RBL1: variants seen among roughly 807,000 people sequenced by gnomAD.
The protein encoded by RBL1 is RB transcriptional corepressor like 1, also known as retinoblastoma-like protein 1.
In RBL1, 82 loss-of-function variants were observed where a neutral mutation model predicts 123.0. The observed-to-expected ratio is 0.67, with a 90% CI of 0.56 to 0.80. RBL1 has a LOEUF of 0.80. Among genes scored for constraint, RBL1 ranks in the 30% least tolerant of loss-of-function variants. The pLI, the probability that RBL1 is intolerant of heterozygous loss-of-function variation, is 0.00. For missense variants in RBL1, 1,171 were observed against 1,299.6 expected, an observed-to-expected ratio of 0.90 and a Z score of 1.52; for synonymous variants, 405 against 441.3, an observed-to-expected ratio of 0.92 and a Z score of 1.03.
chr20:37,076,790 GCTGGAGTTTATTCCATTGTATA>G (rs936810067), intron 2 of RBL1, among the ~76,000 whole-genome samples: 7 of 152,078 alleles, frequency 4.6e-5, no homozygotes, highest in Non-Finnish European at 1.5e-5. Context: ...CACTTTAACA[GCTGGAGTTTATTCCATTGTATA>G]CCATTCCTTT....
chr20:37,020,384 C>T (rs1355183834), intron 18 of RBL1, among the ~76,000 whole-genome samples: 3 of 152,096 alleles, frequency 2.0e-5, no homozygotes, highest in Non-Finnish European at 2.9e-5. Flanking sequence ...ACACCGCACC[C>T]AGCCATTATA....
At chr20:37,026,193 C>T (rs774164053) in intron 16 of RBL1, among the ~76,000 whole-genome samples, 8 of 151,912 alleles carry the variant, frequency 5.3e-5, no homozygotes, top group Non-Finnish European at 8.8e-5. Flanking sequence ...TCACTATGCC[C>T]GAGGTCAGAA....
chr20:36,999,023 T>C (rs919723494), intron 21 of RBL1, 94 bp from the exon 22 acceptor site: 4 of 1,184,170 alleles, frequency 3.4e-6, no homozygotes, highest in African/African-American at 3.1e-5. Context: ...TGCTCTATCC[T>C]CTATCCAAAT....
intron 3 of RBL1, 105 bp from the exon 4 acceptor site, chr20:37,067,402 T>C: frequency 1.1e-6 from 1 of 887,816 alleles, no homozygotes; most frequent in East Asian, 2.7e-5. Context: ...CACATGAAAT[T>C]CCATTCATGA....
Position 37,055,714 on chromosome 20 carries a change from A to T in RBL1, c.1364-58T>A, listed in dbSNP as rs535040929. 3.4e-6 allele frequency: 5 copies of T among 1,476,922 alleles called. No individual in the cohort carries two copies. In the East Asian group the frequency reaches 1.1e-4, roughly 34 times the overall value. The allele number at this position is 1,476,922 out of a possible 1,614,324, so 91.5% of individuals were successfully genotyped here. Reference sequence around the variant, plus strand: ...ATGAATTTTAGTTGTTAAGGACTGAAAAGCAAAAATTATATATAAACTTAA... The same window carrying T: ...ATGAATTTTAGTTGTTAAGGACTGATAAGCAAAAATTATATATAAACTTAA... On this transcript the variant is annotated intron_variant, in intron 10 of 21. Coordinates refer to ENST00000373664, the MANE Select transcript of RBL1 (RefSeq NM_002895.5).
intron 19 of RBL1, among the ~76,000 whole-genome samples, chr20:37,016,970 A>AAGGAG (rs930072178): frequency 9.3e-5 from 14 of 150,940 alleles, no homozygotes; most frequent in Non-Finnish European, 1.5e-4. Flanking sequence ...GAAGAGAGGA[A>AAGGAG]AGGAGAGGAG....
intron 13 of RBL1, among the ~76,000 whole-genome samples, chr20:37,043,827 G>A (rs1600519359): frequency 6.6e-6 from 1 of 152,124 alleles, no homozygotes; most frequent in African/African-American, 2.4e-5. Flanking sequence ...GAGACAGAAA[G>A]TAGATTAGTG....
chr20:37,058,519 A>C (rs1203377642), intron 9 of RBL1, among the ~76,000 whole-genome samples: 1 of 137,598 alleles, frequency 7.3e-6, no homozygotes, highest in Non-Finnish European at 1.6e-5. Flanking sequence ...GCCTCAAAAG[A>C]AAAAAAAAAA....
chr20:37,089,786 G>T (rs2065618024), intron 1 of RBL1, among the ~76,000 whole-genome samples: 1 of 152,132 alleles, frequency 6.6e-6, no homozygotes, highest in African/African-American at 2.4e-5. Flanking sequence ...TATAATACTT[G>T]CCAGGCGCGG....
chr20:37,052,745 G>A (rs1481077320), intron 11 of RBL1, among the ~76,000 whole-genome samples: 1 of 152,160 alleles, frequency 6.6e-6, no homozygotes, highest in Non-Finnish European at 1.5e-5. Context: ...CCTGACCTCA[G>A]GTGATCCACT....
intron 2 of RBL1, among the ~76,000 whole-genome samples, chr20:37,083,423 CGCG>C (rs1169909466): frequency 2.0e-5 from 3 of 151,136 alleles, no homozygotes; most frequent in Admixed American, 6.6e-5. Context: ...GAGCAGAGAT[CGCG>C]ACAATGCACT....
intron 9 of RBL1, among the ~76,000 whole-genome samples, chr20:37,060,850 C>T (rs2065082827): frequency 6.6e-6 from 1 of 151,998 alleles, no homozygotes. Flanking sequence ...ATTAGTCTCA[C>T]TATGTTGGCC....
At chr20:37,055,360 G>C (rs1170858932) in intron 11 of RBL1, among the ~76,000 whole-genome samples, 193 bp downstream of exon 11, 1 of 140,298 alleles carries the variant, frequency 7.1e-6, no homozygotes, top group African/African-American at 2.6e-5. Context: ...GTGTACCAAA[G>C]ATGAACTTTA....
rs192056774 is a variant in RBL1 at position 37,038,213 on chromosome 20, A to G, written c.1903+1940T>C. Among the ~76,000 whole-genome samples the G allele has an allele frequency of 2.0e-5, 3 of 147,010 alleles. No individual in the cohort carries two copies. The East Asian group carries it at 6.1e-4, about 30-fold the overall frequency. ...CACCATGTTGGCCAGGCTGGTCTCA[A>G]ACTCTTGACCTCAGATGATCCACCT... On this transcript the variant is annotated intron_variant, in intron 14 of 21. Coordinates refer to ENST00000373664, the MANE Select transcript of RBL1 (RefSeq NM_002895.5).
chr20:36,999,539 C>G (rs1177323173), intron 21 of RBL1, among the ~76,000 whole-genome samples: 2 of 150,738 alleles, frequency 1.3e-5, no homozygotes, highest in Admixed American at 6.6e-5. Context: ...CCCCTGATGC[C>G]GAGCCAAAGC....
chr20:37,035,151 G>A, intron 15 of RBL1, 91 bp downstream of exon 15: 1 of 1,223,692 alleles, frequency 8.2e-7, no homozygotes, highest in Non-Finnish European at 1.1e-6. Context: ...AAAAAATAAT[G>A]AGTTAGAAAA....
At position 37,020,749 on chromosome 20, in the gene RBL1, G is replaced by C; in HGVS notation, c.2560-19C>G. ...TTGTTACCTAAGGAAAATAAAAACC[G>C]CATTTATCAACTGCTTTTTGAAAGA... On this transcript the variant is annotated intron_variant, in intron 17 of 21. Transcript: ENST00000373664. 6.7e-7 allele frequency: 1 copy of C among 1,500,996 alleles called. No individual in the cohort carries two copies. Among genetic ancestry groups the C allele is most frequent in the Non-Finnish European group, 9.0e-7 (1 of 1,106,708 alleles). The allele number at this position is 1,500,996 out of a possible 1,614,324, so 93.0% of individuals were successfully genotyped here.
chr20:37,063,597 C>T (rs890958404), intron 7 of RBL1, among the ~76,000 whole-genome samples: 3 of 151,588 alleles, frequency 2.0e-5, no homozygotes, highest in Admixed American at 6.6e-5. Context: ...CTGCAACCTC[C>T]GCCTCCTGGG....
At chr20:37,066,366 A>G (rs2146301884) in intron 6 of RBL1, among the ~76,000 whole-genome samples, 1 of 152,364 alleles carries the variant, frequency 6.6e-6, no homozygotes, top group Middle Eastern at 3.4e-3. Context: ...GTCAACAGTC[A>G]GCAGTTATTC....
Sources: gnomAD v4.1 joint callset for allele counts (sites outside exome capture counted in the v4.1 genomes callset) on GRCh38, gnomAD v4.1.1 for gene constraint, MANE v1.5 for transcripts, NCBI Gene and HGNC (gene_info 2026-07-23, HGNC 2026-07-21) for gene names.